XRCC4: variants seen among roughly 807,000 people sequenced by gnomAD.
XRCC4 encodes DNA repair protein XRCC4.
XRCC4 carries 28 observed loss-of-function variants against 39.1 expected under a neutral mutation model. The ratio of observed to expected loss-of-function variants is 0.72; its 90% CI spans 0.53 to 0.98. The LOEUF (loss-of-function observed/expected upper bound fraction) is 0.98. Ranked by LOEUF, XRCC4 falls within the 50% of genes least tolerant of loss-of-function variation. The probability of loss-of-function intolerance (pLI) is 0.00; values close to 1 mark genes in which losing one functional copy is unlikely to be tolerated. For missense variants in XRCC4, 350 were observed against 376.4 expected (o/e 0.93, Z 0.58); for synonymous variants, 123 against 126.4 (o/e 0.97, Z 0.18).
intron 7 of XRCC4, among the ~76,000 whole-genome samples, chr5:83,276,394 A>C (rs73136388): frequency 4.1e-4 from 62 of 151,850 alleles, no homozygotes; most frequent in African/African-American, 1.5e-3. Flanking sequence ...GACCTTTAAG[A>C]GGTGATTGGG....
intron 6 of XRCC4, among the ~76,000 whole-genome samples, chr5:83,250,044 T>A (rs1046309359): frequency 3.3e-5 from 5 of 152,228 alleles, no homozygotes; most frequent in African/African-American, 1.2e-4. Context: ...TCCTTAGACA[T>A]CTCTGTGAAG....
chr5:83,116,608 C>CTTTT (rs559079642), intron 3 of XRCC4, among the ~76,000 whole-genome samples: 70 of 103,158 alleles, frequency 6.8e-4, no homozygotes, highest in Non-Finnish European at 9.3e-4. Flanking sequence ...TTCTCTCTCT[C>CTTTT]TTTTTTTTTT....
At chr5:83,290,299 G>C (rs543437548) in intron 7 of XRCC4, among the ~76,000 whole-genome samples, 1 of 151,458 alleles carries the variant, frequency 6.6e-6, no homozygotes, top group East Asian at 1.9e-4. Flanking sequence ...ATAAATAAAT[G>C]GAAAACCACA....
In XRCC4 at chr5:83,150,009, T is replaced by TA. The variant is rs1206352423; in HGVS notation, c.315+38812dup. Among the ~76,000 whole-genome samples the TA allele has an allele frequency of 3.9e-5, 6 of 152,226 alleles. No homozygotes were observed. In the South Asian group the frequency reaches 6.2e-4, roughly 16 times the overall value. ...GCCCAAGCTTCTGAGATTCTGTATT[T>TA]AAAAAATAATAGAATAATAAAAGCA... On this transcript the variant is annotated intron_variant, in intron 3 of 7. Transcript: ENST00000396027.
chr5:83,250,524 C>T, intron 6 of XRCC4, among the ~76,000 whole-genome samples: 1 of 152,160 alleles, frequency 6.6e-6, no homozygotes, highest in South Asian at 2.1e-4. Context: ...AAGTCCCTGC[C>T]TTCATGGAGC....
chr5:83,154,225 A>G, intron 3 of XRCC4, among the ~76,000 whole-genome samples: 1 of 152,156 alleles, frequency 6.6e-6, no homozygotes, highest in Non-Finnish European at 1.5e-5. Context: ...TGAAGATGTC[A>G]ATATGGAATT....
At chr5:83,363,356 A>T in the XRCC4 span, among the ~76,000 whole-genome samples, 4 of 152,118 alleles carry the variant, frequency 2.6e-5, no homozygotes, top group African/African-American at 9.7e-5. Context: ...AAGAGTCTTG[A>T]ATTTGGCAAT....
chr5:83,276,333 C>T (rs1754331833), intron 7 of XRCC4, among the ~76,000 whole-genome samples: 2 of 152,076 alleles, frequency 1.3e-5, no homozygotes, highest in Admixed American at 6.6e-5. Flanking sequence ...CTTGTTTCTT[C>T]CAAAATCCAT....
chr5:83,120,086 G>A (rs1295550203), intron 3 of XRCC4, among the ~76,000 whole-genome samples: 2 of 151,276 alleles, frequency 1.3e-5, no homozygotes, highest in African/African-American at 2.4e-5. Flanking sequence ...TAAAAACTAT[G>A]TTGTAAAAGG....
intron 7 of XRCC4, among the ~76,000 whole-genome samples, chr5:83,276,126 T>C (rs565030610): frequency 6.6e-6 from 1 of 152,316 alleles, no homozygotes; most frequent in African/African-American, 2.4e-5. Context: ...TGAATTTTGG[T>C]CTTTTCCTGG....
At chr5:83,291,206 CAT>C (rs933580572) in intron 7 of XRCC4, among the ~76,000 whole-genome samples, 28 of 151,842 alleles carry the variant, frequency 1.8e-4, no homozygotes, top group African/African-American at 6.7e-4. Flanking sequence ...AGTTTAAAGA[CAT>C]ATTCTAAGCC....
At chr5:83,275,315 G>T (rs1197670956) in intron 7 of XRCC4, among the ~76,000 whole-genome samples, 1 of 145,388 alleles carries the variant, frequency 6.9e-6, no homozygotes, top group Non-Finnish European at 1.5e-5. Flanking sequence ...TTTTTTTTGA[G>T]ACGGAGTCTC....
chr5:83,137,552 G>C (rs1300081161), intron 3 of XRCC4, among the ~76,000 whole-genome samples: 1 of 152,116 alleles, frequency 6.6e-6, no homozygotes, highest in African/African-American at 2.4e-5. Flanking sequence ...ACCCGTTCTT[G>C]GCATGTTATT....
intron 6 of XRCC4, 58 bp from the exon 7 acceptor site, chr5:83,258,472 A>C: frequency 6.4e-7 from 1 of 1,568,614 alleles, no homozygotes; most frequent in Non-Finnish European, 8.6e-7. Flanking sequence ...GCAAGTTAAT[A>C]CTTACAAATG....
intron 3 of XRCC4, among the ~76,000 whole-genome samples, chr5:83,126,230 T>C (rs535051355): frequency 5.3e-5 from 8 of 152,106 alleles, no homozygotes; most frequent in African/African-American, 1.9e-4. Context: ...TATACATGTT[T>C]TGTTAGATTT....
At chr5:83,125,202 T>C (rs1461277446) in intron 3 of XRCC4, among the ~76,000 whole-genome samples, 1 of 152,220 alleles carries the variant, frequency 6.6e-6, no homozygotes, top group Non-Finnish European at 1.5e-5. Flanking sequence ...ATGTGTAATG[T>C]GAAACTATTT....
chr5:83,162,842 C>T (rs1285534041), intron 3 of XRCC4, among the ~76,000 whole-genome samples: 1 of 152,078 alleles, frequency 6.6e-6, no homozygotes, highest in Non-Finnish European at 1.5e-5. Context: ...GACTGTTGAG[C>T]ATAGTCCCTG....
At chr5:83,226,037 C>T (rs1561416835) in intron 6 of XRCC4, among the ~76,000 whole-genome samples, 1 of 151,890 alleles carries the variant, frequency 6.6e-6, no homozygotes, top group Non-Finnish European at 1.5e-5. Context: ...AAACAGGGAT[C>T]TGCATTTTTT....
At chr5:83,163,851 T>C (rs1580315358) in intron 3 of XRCC4, among the ~76,000 whole-genome samples, 1 of 152,238 alleles carries the variant, frequency 6.6e-6, no homozygotes, top group Non-Finnish European at 1.5e-5. Flanking sequence ...CTGAAAATGC[T>C]CTTAGCTTGA....
Sources: allele counts gnomAD v4.1 joint callset (sites outside exome capture counted in the v4.1 genomes callset), GRCh38; gene constraint gnomAD v4.1.1; transcripts MANE v1.5; gene names NCBI Gene and HGNC (gene_info 2026-07-23, HGNC 2026-07-21).